The following NPTN variants were observed in gnomAD, a reference collection of about 807,000 sequenced individuals.
NPTN encodes the protein SDR-1.
NPTN carries 5 observed loss-of-function variants against 42.7 expected under a neutral mutation model. The ratio of observed to expected loss-of-function variants is 0.12; its 90% CI spans 0.06 to 0.25. NPTN has a LOEUF of 0.25. NPTN is among the 10% of genes least tolerant of loss of function. NPTN has a pLI of 1.00. For synonymous variants in NPTN, 180 were observed against 201.9 expected (o/e 0.89, Z 0.92); for missense variants, 307 against 525.4 (o/e 0.58, Z 4.06).
intron 4 of NPTN, among the ~76,000 whole-genome samples, chr15:73,574,980 C>T (rs888769325): frequency 6.6e-6 from 1 of 152,224 alleles, no homozygotes; most frequent in Admixed American, 6.5e-5. Flanking sequence ...CAATGCTTCA[C>T]CAGTTACAGT....
In NPTN at chr15:73,578,237, T is replaced by C. The variant is rs142640261; in HGVS notation, c.707-4442A>G. Reference sequence around the variant, plus strand: ...CGGGAAGCCACTGGTGAATACTATGTGCAGGTATAAAATGATGGGTGTGTT... The same window carrying C: ...CGGGAAGCCACTGGTGAATACTATGCGCAGGTATAAAATGATGGGTGTGTT... On this transcript the variant is annotated intron_variant, in intron 4 of 8. Coordinates refer to ENST00000345330, the MANE Select transcript of NPTN (RefSeq NM_012428.4). Among the ~76,000 whole-genome samples, 468 of 152,094 alleles carry C rather than the reference T, an allele frequency of 3.1e-3. 1 individual carries two copies. The highest frequency in any genetic ancestry group is 5.0e-3 in the Non-Finnish European group (342 of 68,000).
At chr15:73,619,180 C>A (rs1898009428) in intron 1 of NPTN, among the ~76,000 whole-genome samples, 1 of 151,536 alleles carries the variant, frequency 6.6e-6, no homozygotes, top group East Asian at 1.9e-4. Context: ...CAAAGAGGGA[C>A]AACAGAATTA....
chr15:73,631,547 TA>T (rs1404484050), intron 1 of NPTN, among the ~76,000 whole-genome samples: 1 of 152,228 alleles, frequency 6.6e-6, no homozygotes, highest in Admixed American at 6.5e-5. Flanking sequence ...AAACAAACTC[TA>T]ACATTCAGCA....
intron 6 of NPTN, chr15:73,568,692 GA>G: frequency 1.0e-6 from 1 of 985,504 alleles, no homozygotes; most frequent in Non-Finnish European, 1.2e-6. Flanking sequence ...CAGGTTGCAG[GA>G]AACTAGAGAT....
At chr15:73,587,889 G>C (rs1896397015) in intron 3 of NPTN, among the ~76,000 whole-genome samples, 1 of 152,182 alleles carries the variant, frequency 6.6e-6, no homozygotes, top group Admixed American at 6.5e-5. Flanking sequence ...AAATGCAAAA[G>C]AAGTAATCAA....
Position 73,574,105 on chromosome 15 carries a change from T to G in NPTN, c.707-310A>C, listed in dbSNP as rs1269467127. Among the ~76,000 whole-genome samples the G allele has an allele frequency of 2.0e-5, 3 of 152,232 alleles. No homozygotes were observed. The East Asian group carries it at 5.8e-4, about 29-fold the overall frequency. Reference sequence around the variant, plus strand: ...CCAACTGCCCTCAATTAAGCCTACCTTTAAAGAAAATGCAAACAAACACTA... The same window carrying G: ...CCAACTGCCCTCAATTAAGCCTACCGTTAAAGAAAATGCAAACAAACACTA... On this transcript the variant is annotated intron_variant, in intron 4 of 8. Coordinates refer to ENST00000345330, the MANE Select transcript of NPTN (RefSeq NM_012428.4).
chr15:73,562,329 G>A (rs763069492), intron 7 of NPTN, among the ~76,000 whole-genome samples: 25 of 152,150 alleles, frequency 1.6e-4, no homozygotes, highest in Admixed American at 1.4e-3. Flanking sequence ...AGATTTTGGA[G>A]CATTTCAGAT....
At chr15:73,625,419 C>T (rs939705457) in intron 1 of NPTN, among the ~76,000 whole-genome samples, 4 of 151,830 alleles carry the variant, frequency 2.6e-5, no homozygotes, top group African/African-American at 9.7e-5. Context: ...GGCATGTTCT[C>T]GGCTCCCGGG....
chr15:73,567,508 G>C (rs961826115), intron 6 of NPTN: 1 of 985,222 alleles, frequency 1.0e-6, no homozygotes, highest in African/African-American at 1.7e-5. Context: ...AGAAGCACAT[G>C]GGAAGGAAGC....
At chr15:73,628,752 A>T (rs1898571053) in intron 1 of NPTN, among the ~76,000 whole-genome samples, 1 of 152,030 alleles carries the variant, frequency 6.6e-6, no homozygotes, top group Admixed American at 6.5e-5. Flanking sequence ...ATCTTTTTTT[A>T]ATTTAAATAA....
Position 73,570,236 on chromosome 15 carries a change from A to G in NPTN, c.1028T>C (p.Phe343Ser). ...VRSHLAPLWPFLGILAEIIIL... is the reference protein window; with the variant it reads ...VRSHLAPLWPSLGILAEIIIL... ...GATAATTTCAGCCAGAATTCCCAAG[A>G]AAGGCCAGAGTGGGGCCAGGTGGCT... is the stretch of plus-strand genomic sequence containing the variant. Residue 343 changes from phenylalanine to serine, a missense_variant, in exon 6 of 9, where the codon TTC (phenylalanine) becomes TCC (serine). This residue lies in a region of NPTN where 264 missense variants were observed against 491.1 expected (regional missense o/e 0.54). Coordinates refer to ENST00000345330, the MANE Select transcript of NPTN (RefSeq NM_012428.4). This position sits in a 1 kb window ranked among gnomAD's most constrained non-coding sequence, Gnocchi z 4.0. The G allele has an allele frequency of 6.2e-7, 1 of 1,614,226 alleles. No homozygotes were observed. Among genetic ancestry groups the G allele is most frequent in the Non-Finnish European group, 8.5e-7 (1 of 1,180,042 alleles).
chr15:73,609,972 T>C lies in NPTN; in HGVS notation c.92-12603A>G, dbSNP rs560184607. ...GTTATAGTAATCCTACTTCTAGTAT[T>C]TTCTAGCTATAAAACACTACAACTT... is the stretch of plus-strand genomic sequence containing the variant. On this transcript the variant is annotated intron_variant, in intron 1 of 8. Transcript: ENST00000345330. Among the ~76,000 whole-genome samples, 12 of 152,330 alleles carry C rather than the reference T, an allele frequency of 7.9e-5. No individual in the cohort carries two copies. In the South Asian group the frequency reaches 2.5e-3, roughly 32 times the overall value.
intron 1 of NPTN, among the ~76,000 whole-genome samples, chr15:73,606,413 G>C (rs1897298289): frequency 6.6e-6 from 1 of 152,124 alleles, no homozygotes; most frequent in South Asian, 2.1e-4. Context: ...TAAGCTGCTG[G>C]TCCCTAAGAG....
At chr15:73,625,415 T>G (rs1898348852) in intron 1 of NPTN, among the ~76,000 whole-genome samples, 1 of 151,966 alleles carries the variant, frequency 6.6e-6, no homozygotes, top group Non-Finnish European at 1.5e-5. Context: ...CAGTGGCATG[T>G]TCTCGGCTCC....
At chr15:73,616,170 C>T (rs374874372) in intron 1 of NPTN, among the ~76,000 whole-genome samples, 1 of 152,160 alleles carries the variant, frequency 6.6e-6, no homozygotes, top group Non-Finnish European at 1.5e-5. Context: ...AAAGTATGCA[C>T]AGGACCTCTT....
chr15:73,587,628 T>A lies in NPTN; in HGVS notation c.612-10A>T. 1 of 1,602,728 alleles carries A rather than the reference T, an allele frequency of 6.2e-7. No individual in the cohort carries two copies. Among genetic ancestry groups the A allele is most frequent in the East Asian group, 2.2e-5 (1 of 44,810 alleles). ...TCTCGGCTTATTGATCCTGCAGAGA[T>A]GAGAAGAAAAACCAAGTGAGGAAAC... On this transcript the variant is annotated splice_polypyrimidine_tract_variant and intron_variant, in intron 3 of 8. Transcript: ENST00000345330.
chr15:73,621,522 G>C (rs1399014903), intron 1 of NPTN, among the ~76,000 whole-genome samples: 2 of 152,088 alleles, frequency 1.3e-5, no homozygotes, highest in African/African-American at 4.8e-5. Context: ...AAGCACTTCA[G>C]CATACATTGT....
intron 1 of NPTN, among the ~76,000 whole-genome samples, chr15:73,617,364 T>G (rs1897913102): frequency 6.6e-6 from 1 of 152,248 alleles, no homozygotes; most frequent in South Asian, 2.1e-4. Context: ...AACTTTTTCC[T>G]TCTTTCAAAA....
chr15:73,627,844 C>G (rs1566994182), intron 1 of NPTN, among the ~76,000 whole-genome samples: 1 of 152,050 alleles, frequency 6.6e-6, no homozygotes, highest in Non-Finnish European at 1.5e-5. Flanking sequence ...ATCAATATCA[C>G]TAGAATAATG....
Sources: gnomAD v4.1 joint callset for allele counts (sites outside exome capture counted in the v4.1 genomes callset) on GRCh38, gnomAD v4.1.1 for gene constraint, gnomAD v4.1.1 regional missense constraint, Gnocchi (gnomAD v3.1) non-coding constraint, MANE v1.5 for transcripts, NCBI Gene and HGNC (gene_info 2026-07-23, HGNC 2026-07-21) for gene names.